TET3: variants seen among roughly 807,000 people sequenced by gnomAD.
TET3 encodes tet methylcytosine dioxygenase 3, also known as methylcytosine dioxygenase TET3.
In TET3, 19 loss-of-function variants were observed where a neutral mutation model predicts 141.4. The ratio of observed to expected loss-of-function variants is 0.13; its 90% CI spans 0.09 to 0.20. TET3 has a LOEUF of 0.20. TET3 is among the 10% of genes least tolerant of loss of function. TET3 has a pLI of 1.00. For missense variants in TET3, 1,874 were observed against 2,356.9 expected, an observed-to-expected ratio of 0.80 and a Z score of 4.24; for synonymous variants, 1,043 against 980.9, an observed-to-expected ratio of 1.06 and a Z score of -1.18.
intron 4 of TET3, among the ~76,000 whole-genome samples, chr2:74,069,900 G>A (rs1689112624): frequency 6.6e-6 from 1 of 152,022 alleles, no homozygotes; most frequent in South Asian, 2.1e-4. Context: ...GCCCCGACCT[G>A]TATGCCTTTC....
At chr2:74,110,006 C>T (rs1691664822), downstream of TET3, among the ~76,000 whole-genome samples, 1 of 152,042 alleles carries the variant, frequency 6.6e-6, no homozygotes, top group Admixed American at 6.6e-5. Flanking sequence ...GCTAATGATA[C>T]CACATAAGAT....
intron 3 of TET3, among the ~76,000 whole-genome samples, chr2:74,034,258 T>TTTA (rs1009407079): frequency 6.6e-6 from 1 of 151,394 alleles, no homozygotes; most frequent in Non-Finnish European, 1.5e-5. Flanking sequence ...TTTTTTTTTT[T>TTTA]ATGTATTACT....
At chr2:74,131,409 C>G in the TET3 span, among the ~76,000 whole-genome samples, 6 of 152,330 alleles carry the variant, frequency 3.9e-5, no homozygotes, top group East Asian at 1.2e-3. Context: ...ATTCACTCAC[C>G]TTTCCCACTC....
At position 74,046,947 on chromosome 2, in the gene TET3, C is replaced by A; in HGVS notation, c.1030C>A (p.Leu344Met). Reference protein sequence around the residue: ...QEGLPLSQSALSIAKEKNISL... With the variant: ...QEGLPLSQSAMSIAKEKNISL... ...GGGCCTGCCCCTGTCCCAGAGTGCC[C>A]TGAGCATTGCCAAGGAAAAAAACAT... Residue 344 changes from leucine to methionine, a missense_variant, in exon 4 of 12, where the codon CTG becomes ATG. Around this residue, in one of 10 missense-constraint regions of TET3, gnomAD observed 366 missense variants for 487.0 expected, o/e 0.75. Coordinates refer to ENST00000409262, the MANE Select transcript of TET3 (RefSeq NM_001287491.2). The surrounding 1 kb of genome is among the most constrained non-coding windows in gnomAD (Gnocchi z 4.3). 6.2e-7 allele frequency: 1 copy of A among 1,613,976 alleles called. No homozygotes were observed. Among genetic ancestry groups the A allele is most frequent in the Non-Finnish European group, 8.5e-7 (1 of 1,179,874 alleles).
At position 74,107,647 on chromosome 2, in the gene TET3, A is replaced by C. The variant is rs1293797964; in HGVS notation, c.*5471A>C. The stretch of plus-strand genomic sequence containing the variant: ...AATGGCATATTAATACATTAGACTT[A>C]ATCTAGAACCCCTGTAGCTTTTTGA... On this transcript the variant is annotated 3_prime_UTR_variant, in exon 12 of 12. Coordinates refer to ENST00000409262, the MANE Select transcript of TET3 (RefSeq NM_001287491.2). 1 of 152,218 alleles carries C rather than the reference A, an allele frequency of 6.6e-6. No homozygotes were observed. The highest frequency in any genetic ancestry group is 6.5e-5 in the Admixed American group (1 of 15,284). 9.4% of individuals were successfully genotyped at this position (152,218 alleles called of 1,614,324 possible). A position where few individuals can be genotyped will look rare whatever the true frequency, so the allele number is the denominator to read the frequency against.
chr2:74,122,256 T>A, the TET3 span: 8 of 151,888 alleles, frequency 5.3e-5, no homozygotes, highest in Admixed American at 1.3e-4. Flanking sequence ...ATTTGAAGTC[T>A]AGCTGCCTGA....
In TET3 at chr2:73,985,121, G is replaced by A. The variant is rs1212694047; in HGVS notation, c.-461G>A. ...GCGGCGGCGCGGGCCGGGAAACTTT[G>A]CCCCTTTGTGCGCTCCGCCCCGGAG... On this transcript the variant is annotated 5_prime_UTR_variant, in exon 1 of 12. Transcript: ENST00000409262. The A allele has an allele frequency of 1.4e-5, 2 of 146,416 alleles. No homozygotes were observed. Among genetic ancestry groups the A allele is most frequent in the East Asian group, 4.3e-4 (2 of 4,698 alleles). 9.1% of individuals were successfully genotyped at this position (146,416 alleles called of 1,614,324 possible).
intron 1 of TET3, 146 bp downstream of exon 1, chr2:73,985,303 G>A (rs1683952901): frequency 7.2e-6 from 1 of 137,968 alleles, no homozygotes; most frequent in Non-Finnish European, 1.6e-5. Context: ...CTGGGGTGCT[G>A]CGGGGCGCTG....
At position 74,101,217 on chromosome 2, in the gene TET3, G is replaced by T. The variant is rs756267877; in HGVS notation, c.4429G>T (p.Ala1477Ser). ...CCCTGACAAGCTCAGTTCCTTTGGG[G>T]CCAGCTGCCTGGCCCCTTCCCACTT... ...IVPDKLSSFG[A>S]SCLAPSHFTD... The change falls in exon 12 of 12, where the codon GCC becomes TCC. Residue 1477 changes from alanine to serine, a missense_variant. Physicochemically the swap from Ala to Ser is moderately conservative, Grantham distance 99. Transcript: ENST00000409262. The surrounding 1 kb of genome is among the most constrained non-coding windows in gnomAD (Gnocchi z 8.5). 1.2e-6 allele frequency: 2 copies of T among 1,613,126 alleles called. No individual in the cohort carries two copies. Among genetic ancestry groups the T allele is most frequent in the Non-Finnish European group, 1.7e-6 (2 of 1,179,536 alleles).
At position 74,046,944 on chromosome 2, in the gene TET3, G is replaced by A; in HGVS notation, c.1027G>A (p.Ala343Thr). 1 of 1,613,958 alleles carries A rather than the reference G, an allele frequency of 6.2e-7. No homozygotes were observed. Among genetic ancestry groups the A allele is most frequent in the Non-Finnish European group, 8.5e-7 (1 of 1,179,882 alleles). The part of the protein sequence containing the change: ...PQEGLPLSQS[A>T]LSIAKEKNIS... ...AGAGGGCCTGCCCCTGTCCCAGAGT[G>A]CCCTGAGCATTGCCAAGGAAAAAAA... Residue 343 changes from alanine to threonine, a missense_variant, in exon 4 of 12, where the codon GCC (alanine) becomes ACC (threonine). This residue lies in a region of TET3 where 366 missense variants were observed against 487.0 expected (regional missense o/e 0.75). Transcript: ENST00000409262. This position sits in a 1 kb window ranked among gnomAD's most constrained non-coding sequence, Gnocchi z 4.3.
chr2:74,113,381 G>A, the TET3 span, among the ~76,000 whole-genome samples: 1 of 151,802 alleles, frequency 6.6e-6, no homozygotes, highest in Non-Finnish European at 1.5e-5. Context: ...GTGAGACTCC[G>A]TCAAAAAAAA....
the TET3 span, among the ~76,000 whole-genome samples, chr2:74,117,089 AGAAG>A: frequency 6.6e-6 from 1 of 152,180 alleles, no homozygotes; most frequent in Admixed American, 6.6e-5. Context: ...AGAGGTGGTA[AGAAG>A]GGGTCAGATT....
chr2:74,048,191 G>T lies in TET3; in HGVS notation c.2274G>T (p.Lys758Asn). 6.2e-7 allele frequency: 1 copy of T among 1,612,852 alleles called. No homozygotes were observed. The highest frequency in any genetic ancestry group is 8.5e-7 in the Non-Finnish European group (1 of 1,179,416). Residue 758 changes from lysine to asparagine, a missense_variant, in exon 4 of 12, where the codon AAG (lysine) becomes AAT (asparagine). Transcript: ENST00000409262. The stretch of plus-strand genomic sequence containing the variant: ...CTACCCGTTCCCCCAAGCAAATCAA[G>T]ATTGAGTCTTCGGGGGCTGTGACTG... The part of the protein sequence containing the change: ...PFATRSPKQI[K>N]IESSGAVTVL...
At chr2:74,011,227 C>CA (rs34155044) in intron 3 of TET3, among the ~76,000 whole-genome samples, 1,232 of 93,970 alleles carry the variant, frequency 0.013, 29 homozygotes, top group East Asian at 0.021. Context: ...GACTCCGTTT[C>CA]AAAAAAAAAA....
chr2:74,122,457 A>ATGTG, the TET3 span: 10 of 127,502 alleles, frequency 7.8e-5, no homozygotes, highest in African/African-American at 2.0e-4. Flanking sequence ...AAATATATAT[A>ATGTG]TGTGTGTGTG....
At chr2:74,080,476 T>G in intron 5 of TET3, 22 bp from the exon 6 acceptor site, 1 of 1,605,182 alleles carries the variant, frequency 6.2e-7, no homozygotes, top group African/African-American at 1.3e-5. Flanking sequence ...GTGCTAATGG[T>G]GGCTTCTGTC....
Position 74,046,490 on chromosome 2 carries a change from T to G in TET3, c.573T>G (p.Thr191=), listed in dbSNP as rs368777508. The change falls in exon 4 of 12, where the codon ACT becomes ACG. Residue 191 remains threonine (T), a synonymous_variant. Transcript: ENST00000409262. This position sits in a 1 kb window ranked among gnomAD's most constrained non-coding sequence, Gnocchi z 4.3. ...AGGCTGCCCCAGGCCCAGCTCATAC[T>G]GCTCGCCTGGAAGATGCCCACGATC... The part of the protein sequence containing the change: ...DWEAAPGPAH[T]ARLEDAHDLV... 1.9e-6 allele frequency: 3 copies of G among 1,613,804 alleles called. No individual in the cohort carries two copies. Among genetic ancestry groups the G allele is most frequent in the Non-Finnish European group, 2.5e-6 (3 of 1,179,838 alleles).
At chr2:74,016,763 A>G (rs1299638386) in intron 3 of TET3, among the ~76,000 whole-genome samples, 1 of 151,240 alleles carries the variant, frequency 6.6e-6, no homozygotes, top group Non-Finnish European at 1.5e-5. Flanking sequence ...CCACAAACCC[A>G]ATAAAAATGT....
At chr2:74,030,976 G>T (rs910335625) in intron 3 of TET3, among the ~76,000 whole-genome samples, 1 of 152,108 alleles carries the variant, frequency 6.6e-6, no homozygotes, top group African/African-American at 2.4e-5. Context: ...TTTTGTAAAG[G>T]GATGTCCGGG....
Sources: allele counts gnomAD v4.1 joint callset (sites outside exome capture counted in the v4.1 genomes callset), GRCh38; gene constraint gnomAD v4.1.1; regional missense constraint gnomAD v4.1.1; non-coding constraint Gnocchi (gnomAD v3.1); transcripts MANE v1.5; gene names NCBI Gene and HGNC (gene_info 2026-07-23, HGNC 2026-07-21).